CRPPA: variants seen among roughly 807,000 people sequenced by gnomAD.
CRPPA encodes D-ribitol-5-phosphate cytidylyltransferase.
In CRPPA, 43 loss-of-function variants were observed where a neutral mutation model predicts 52.0. The ratio of observed to expected loss-of-function variants is 0.83; its 90% CI spans 0.65 to 1.07. The LOEUF (loss-of-function observed/expected upper bound fraction) is 1.07. Ranked by LOEUF, CRPPA falls within the 50% of genes least tolerant of loss-of-function variation. The probability of loss-of-function intolerance (pLI) is 0.00; values close to 1 mark genes in which losing one functional copy is unlikely to be tolerated. For synonymous variants in CRPPA, 250 were observed against 203.5 expected (o/e 1.23, Z -1.94); for missense variants, 629 against 551.7 (o/e 1.14, Z -1.40).
intron 3 of CRPPA, among the ~76,000 whole-genome samples, chr7:16,342,655 C>T (rs374071900): frequency 6.7e-6 from 1 of 149,168 alleles, no homozygotes; most frequent in Non-Finnish European, 1.5e-5. Context: ...TGGATCACAC[C>T]AGTAATGCCA....
Position 16,290,444 on chromosome 7 carries a change from A to C in CRPPA, c.835+10977T>G, listed in dbSNP as rs371395857. Among the ~76,000 whole-genome samples the C allele has an allele frequency of 2.5e-4, 38 of 152,146 alleles. No individual in the cohort carries two copies. In the East Asian group the frequency reaches 6.0e-3, roughly 24 times the overall value. On this transcript the variant is annotated intron_variant, in intron 5 of 9. Coordinates refer to ENST00000407010, the MANE Select transcript of CRPPA (RefSeq NM_001101426.4). ...AACCAAAACAGTACAGCATTAGTTT[A>C]AAACAGACACAGAAGACAATACAAT...
At chr7:16,258,333 T>C in intron 8 of CRPPA, 57 bp downstream of exon 8, 3 of 1,074,776 alleles carry the variant, frequency 2.8e-6, no homozygotes, top group Non-Finnish European at 1.4e-6. Context: ...AATATGTACA[T>C]TGAGTTACAA....
intron 2 of CRPPA, among the ~76,000 whole-genome samples, chr7:16,383,932 G>T (rs1787185562): frequency 6.6e-6 from 1 of 152,198 alleles, no homozygotes; most frequent in South Asian, 2.1e-4. Context: ...GGAACTCCCT[G>T]ACCGCTTGCA....
intron 2 of CRPPA, among the ~76,000 whole-genome samples, chr7:16,400,543 G>T (rs556099512): frequency 6.6e-6 from 1 of 152,016 alleles, no homozygotes; most frequent in East Asian, 1.9e-4. Context: ...CTACTGACAC[G>T]TCGACACGAT....
intron 3 of CRPPA, among the ~76,000 whole-genome samples, chr7:16,364,724 T>C (rs1258041961): frequency 1.3e-5 from 2 of 152,190 alleles, no homozygotes; most frequent in East Asian, 3.8e-4. Flanking sequence ...GGTTTCAAGA[T>C]TGCTTATTTC....
Position 16,341,287 on chromosome 7 carries a change from TA to T in CRPPA, c.685-32661del, listed in dbSNP as rs775439752. 3.3e-3 allele frequency among the ~76,000 whole-genome samples: 495 copies of T among 148,096 alleles called. 1 individual carries two copies. Among genetic ancestry groups the T allele is most frequent in the Non-Finnish European group, 4.7e-3 (311 of 66,710 alleles). On this transcript the variant is annotated intron_variant, in intron 3 of 9. Coordinates refer to ENST00000407010, the MANE Select transcript of CRPPA (RefSeq NM_001101426.4). ...ATGTATCAATGTAAGTTCAATGGTT[TA>T]AAAAAAAAACAGGTACCACTCTGGT...
At chr7:16,413,993 T>C (rs1353460488) in intron 1 of CRPPA, among the ~76,000 whole-genome samples, 3 of 152,182 alleles carry the variant, frequency 2.0e-5, no homozygotes, top group Non-Finnish European at 4.4e-5. Flanking sequence ...CATACAATGA[T>C]ACACACAACT....
chr7:16,350,074 T>A (rs77869113), intron 3 of CRPPA, among the ~76,000 whole-genome samples: 3,527 of 151,776 alleles, frequency 0.023, 126 homozygotes, highest in African/African-American at 0.081. Flanking sequence ...CAGAAACTTT[T>A]CAGGACAGGA....
chr7:16,236,819 G>T (rs1339923347), intron 8 of CRPPA, among the ~76,000 whole-genome samples: 5 of 152,072 alleles, frequency 3.3e-5, no homozygotes, highest in Non-Finnish European at 7.4e-5. Context: ...GCTTGGAAAA[G>T]ACATTGTAAT....
chr7:16,175,751 T>A (rs897035700), intron 9 of CRPPA, among the ~76,000 whole-genome samples: 74 of 152,108 alleles, frequency 4.9e-4, no homozygotes, highest in Non-Finnish European at 1.2e-4. Context: ...ATATAAAAAT[T>A]TGAAATTTAA....
At chr7:16,153,011 C>T (rs1049028298) in intron 9 of CRPPA, among the ~76,000 whole-genome samples, 1 of 151,856 alleles carries the variant, frequency 6.6e-6, no homozygotes, top group Admixed American at 6.6e-5. Context: ...ACTGTGATAT[C>T]CTTAATTGAT....
intron 2 of CRPPA, among the ~76,000 whole-genome samples, chr7:16,399,785 G>A (rs1312079735): frequency 6.6e-6 from 1 of 152,030 alleles, no homozygotes; most frequent in Non-Finnish European, 1.5e-5. Flanking sequence ...GACATGCTTG[G>A]CACGTGACCA....
rs752074068 is a variant in CRPPA, at chr7:16,406,225, C to T, written c.370G>A (p.Val124Met). The T allele has an allele frequency of 8.1e-6, 13 of 1,613,998 alleles. No homozygotes were observed. Among genetic ancestry groups the T allele is most frequent in the Non-Finnish European group, 1.1e-5 (13 of 1,179,880 alleles). The part of the protein sequence containing the change: ...HKRISLVEAG[V>M]TRHRSIFNGL... ...TTGAAAATTGACCTGTGGCGGGTCACTCCAGCTTCGACCAGTGAGATGCGT... is the reference window on the plus strand; with the variant it reads ...TTGAAAATTGACCTGTGGCGGGTCATTCCAGCTTCGACCAGTGAGATGCGT... The change falls in exon 2 of 10, where the codon GTG becomes ATG. Residue 124 changes from valine (V) to methionine (M), a missense_variant. By Grantham distance (21) the Val-to-Met change is conservative. Transcript: ENST00000407010.
chr7:16,263,471 G>A (rs1783866882), intron 6 of CRPPA, among the ~76,000 whole-genome samples: 1 of 152,128 alleles, frequency 6.6e-6, no homozygotes, highest in Admixed American at 6.5e-5. Context: ...ACAATTGTAG[G>A]CCAGGCGCAG....
chr7:16,322,586 G>C (rs1785286252), intron 3 of CRPPA, among the ~76,000 whole-genome samples: 1 of 152,108 alleles, frequency 6.6e-6, no homozygotes, highest in African/African-American at 2.4e-5. Context: ...GCAGAGAACT[G>C]GGACTTAACT....
chr7:16,174,175 T>C (rs1781247660), intron 9 of CRPPA, among the ~76,000 whole-genome samples: 2 of 152,132 alleles, frequency 1.3e-5, no homozygotes, highest in African/African-American at 2.4e-5. Context: ...ATTGCAAACA[T>C]GCTTTCAGTG....
At chr7:16,264,787 T>C (rs192963809) in intron 6 of CRPPA, among the ~76,000 whole-genome samples, 2 of 152,352 alleles carry the variant, frequency 1.3e-5, no homozygotes, top group Non-Finnish European at 2.9e-5. Context: ...TTTCTAGCAT[T>C]CAGCATTTAC....
intron 3 of CRPPA, among the ~76,000 whole-genome samples, chr7:16,353,311 C>G (rs946667197): frequency 6.6e-6 from 1 of 152,064 alleles, no homozygotes; most frequent in Non-Finnish European, 1.5e-5. Flanking sequence ...ATGACTGAGC[C>G]ACTGTACTCC....
chr7:16,201,254 CA>C (rs1365895203), intron 9 of CRPPA, among the ~76,000 whole-genome samples: 5 of 152,132 alleles, frequency 3.3e-5, no homozygotes, highest in Admixed American at 6.6e-5. Context: ...CCTAGGCAGA[CA>C]GGGGCAGGTC....
Sources: allele counts gnomAD v4.1 joint callset (sites outside exome capture counted in the v4.1 genomes callset), GRCh38; gene constraint gnomAD v4.1.1; transcripts MANE v1.5; gene names NCBI Gene and HGNC (gene_info 2026-07-23, HGNC 2026-07-21).